L3MBTL4: variants seen among roughly 807,000 people sequenced by gnomAD.
L3MBTL4 encodes lethal(3)malignant brain tumor-like protein 4.
In L3MBTL4, 70 loss-of-function variants were observed where a neutral mutation model predicts 84.5. The ratio of observed to expected loss-of-function variants is 0.83; its 90% CI spans 0.68 to 1.01. L3MBTL4 has a LOEUF of 1.01. Among genes scored for constraint, L3MBTL4 ranks in the 50% least tolerant of loss-of-function variants. L3MBTL4 has a pLI of 0.00. For synonymous variants in L3MBTL4, 274 were observed against 259.8 expected, an observed-to-expected ratio of 1.05 and a Z score of -0.52; for missense variants, 715 against 754.8, an observed-to-expected ratio of 0.95 and a Z score of 0.62.
intron 13 of L3MBTL4, 65 bp downstream of exon 13, chr18:6,171,763 G>T: frequency 2.2e-6 from 2 of 917,472 alleles, no homozygotes; most frequent in Non-Finnish European, 1.7e-6. Flanking sequence ...GCATGAATAA[G>T]CAACATTACG....
chr18:6,149,318 G>A (rs895194176), intron 13 of L3MBTL4, among the ~76,000 whole-genome samples: 9 of 151,200 alleles, frequency 6.0e-5, no homozygotes, highest in Admixed American at 3.3e-4. Flanking sequence ...TTGTCCTTGC[G>A]ATAGTTTGCT....
intron 13 of L3MBTL4, among the ~76,000 whole-genome samples, chr18:6,156,596 G>C (rs2043113815): frequency 6.6e-6 from 1 of 152,192 alleles, no homozygotes. Context: ...AAGCTGAAAA[G>C]TCTCTGCGTG....
intron 1 of L3MBTL4, among the ~76,000 whole-genome samples, chr18:6,373,677 T>G (rs1158118830): frequency 6.6e-6 from 1 of 151,774 alleles, no homozygotes; most frequent in Non-Finnish European, 1.5e-5. Context: ...CATCTTCGAG[T>G]GAATCACAGT....
chr18:5,977,171 A>G (rs1348858311), intron 16 of L3MBTL4, among the ~76,000 whole-genome samples: 3 of 152,136 alleles, frequency 2.0e-5, no homozygotes, highest in Non-Finnish European at 2.9e-5. Flanking sequence ...TGCCTGCTCC[A>G]CACAGTGGCA....
intron 5 of L3MBTL4, among the ~76,000 whole-genome samples, chr18:6,249,694 A>T (rs965843446): frequency 1.2e-4 from 19 of 152,148 alleles, no homozygotes; most frequent in Non-Finnish European, 2.4e-4. Flanking sequence ...GGTTTTAAAA[A>T]TTTTTTCCTT....
chr18:5,967,885 C>T (rs754629254), intron 17 of L3MBTL4, among the ~76,000 whole-genome samples: 14 of 152,302 alleles, frequency 9.2e-5, no homozygotes, highest in East Asian at 5.8e-4. Flanking sequence ...TTGTGAAGGG[C>T]GCCAGGGGGA....
chr18:6,198,542 G>A (rs977631444), intron 12 of L3MBTL4, among the ~76,000 whole-genome samples: 3 of 151,478 alleles, frequency 2.0e-5, no homozygotes, highest in African/African-American at 7.4e-5. Context: ...TTAATTTCTA[G>A]TGTGTATTTT....
At chr18:6,220,225 C>T (rs1035989231) in intron 10 of L3MBTL4, among the ~76,000 whole-genome samples, 1 of 151,920 alleles carries the variant, frequency 6.6e-6, no homozygotes, top group African/African-American at 2.4e-5. Flanking sequence ...CCTTCTCTAC[C>T]ATGTCATTCC....
At chr18:6,135,191 G>A (rs1252667667) in intron 14 of L3MBTL4, among the ~76,000 whole-genome samples, 1 of 152,130 alleles carries the variant, frequency 6.6e-6, no homozygotes, top group African/African-American at 2.4e-5. Context: ...GGGAAACAGG[G>A]TACCAAGACT....
intron 10 of L3MBTL4, among the ~76,000 whole-genome samples, chr18:6,220,064 T>G (rs976815079): frequency 1.3e-5 from 2 of 151,628 alleles, no homozygotes; most frequent in South Asian, 2.1e-4. Context: ...AAAATAAAAA[T>G]AAAAAGAAGA....
chr18:5,959,936 C>T (rs2095253967), intron 18 of L3MBTL4, among the ~76,000 whole-genome samples, 158 bp downstream of exon 18: 3 of 150,924 alleles, frequency 2.0e-5, no homozygotes, highest in South Asian at 4.2e-4. Flanking sequence ...GTCTTGCTGC[C>T]CCCAAATTGT....
At chr18:6,274,562 T>C (rs1012777916) in intron 4 of L3MBTL4, among the ~76,000 whole-genome samples, 4 of 152,228 alleles carry the variant, frequency 2.6e-5, no homozygotes, top group African/African-American at 4.8e-5. Context: ...AATTTCAGTC[T>C]TCAGTCTATA....
intron 16 of L3MBTL4, among the ~76,000 whole-genome samples, chr18:6,002,678 T>C (rs546242923): frequency 1.2e-4 from 18 of 151,792 alleles, no homozygotes; most frequent in African/African-American, 4.3e-4. Flanking sequence ...ACAAAGAAAA[T>C]AAGTACAGAG....
intron 16 of L3MBTL4, among the ~76,000 whole-genome samples, chr18:5,995,123 G>C (rs1163932337): frequency 6.6e-6 from 1 of 152,280 alleles, no homozygotes; most frequent in Non-Finnish European, 1.5e-5. Flanking sequence ...TGTGCGTCCA[G>C]GAGGGCTACG....
intron 16 of L3MBTL4, chr18:6,030,333 T>C (rs1186372903): frequency 4.1e-6 from 4 of 984,422 alleles, no homozygotes; most frequent in Non-Finnish European, 4.8e-6. Context: ...AAATTCTGGG[T>C]GATAGAACAA....
intron 10 of L3MBTL4, among the ~76,000 whole-genome samples, chr18:6,230,264 CTTG>C (rs2046942149): frequency 6.6e-6 from 1 of 151,970 alleles, no homozygotes; most frequent in Non-Finnish European, 1.5e-5. Flanking sequence ...CCCAGTGTCT[CTTG>C]TTGTTTTATT....
At chr18:6,173,487 G>A (rs905816267) in intron 12 of L3MBTL4, among the ~76,000 whole-genome samples, 1 of 152,100 alleles carries the variant, frequency 6.6e-6, no homozygotes, top group African/African-American at 2.4e-5. Flanking sequence ...TACAAAAAAG[G>A]GGGAACCAAA....
chr18:6,214,178 G>A (rs2046231235), intron 11 of L3MBTL4, among the ~76,000 whole-genome samples: 1 of 152,176 alleles, frequency 6.6e-6, no homozygotes, highest in South Asian at 2.1e-4. Flanking sequence ...GGTGATCTGT[G>A]TTATGGTTTC....
chr18:6,210,190 A>G (rs1324953307), intron 12 of L3MBTL4, among the ~76,000 whole-genome samples: 1 of 152,226 alleles, frequency 6.6e-6, no homozygotes, highest in Non-Finnish European at 1.5e-5. Flanking sequence ...GGCCAACTAC[A>G]TATTTGGGGA....
Sources: allele counts gnomAD v4.1 joint callset (sites outside exome capture counted in the v4.1 genomes callset), GRCh38; gene constraint gnomAD v4.1.1; transcripts MANE v1.5; gene names NCBI Gene and HGNC (gene_info 2026-07-23, HGNC 2026-07-21).